Variants in TMX1 observed in about 807,000 individuals in gnomAD.
TMX1 encodes the protein thioredoxin related transmembrane protein 1, also known as thioredoxin-related transmembrane protein 1.
A neutral mutation model predicts 36.6 loss-of-function variants in TMX1; 25 were observed. That is an observed-to-expected ratio of 0.68 (90% confidence interval 0.50 to 0.95). The LOEUF (loss-of-function observed/expected upper bound fraction) is 0.95. Ranked by LOEUF, TMX1 falls within the 40% of genes least tolerant of loss-of-function variation. TMX1 has a pLI of 0.00. For missense variants in TMX1, 347 were observed against 339.6 expected, an observed-to-expected ratio of 1.02 and a Z score of -0.17; for synonymous variants, 133 against 118.0, an observed-to-expected ratio of 1.13 and a Z score of -0.82.
At chr14:51,249,438 T>G in intron 5 of TMX1, 30 bp from the exon 6 acceptor site, 3 of 1,550,016 alleles carry the variant, frequency 1.9e-6, no homozygotes, top group Non-Finnish European at 2.6e-6. Context: ...ATGAACAGAT[T>G]TTTAGTTTTT....
intron 3 of TMX1, 145 bp from the exon 4 acceptor site, chr14:51,246,946 TA>T: frequency 1.7e-6 from 1 of 592,822 alleles, no homozygotes; most frequent in Non-Finnish European, 2.6e-6. Flanking sequence ...CATGAGTAGG[TA>T]AATAGTATAA....
intron 3 of TMX1, among the ~76,000 whole-genome samples, chr14:51,246,589 A>C (rs1213202223): frequency 6.6e-6 from 1 of 152,202 alleles, no homozygotes; most frequent in Non-Finnish European, 1.5e-5. Flanking sequence ...CTCACTAAAT[A>C]GTCACTGAAA....
chr14:51,245,461 T>C, intron 3 of TMX1, 103 bp downstream of exon 3: 2 of 1,559,210 alleles, frequency 1.3e-6, no homozygotes, highest in Non-Finnish European at 1.7e-6. Flanking sequence ...TGAGGTAATC[T>C]CATTATATTC....
intron 7 of TMX1, among the ~76,000 whole-genome samples, chr14:51,253,094 G>C (rs540967484): frequency 6.6e-6 from 1 of 152,140 alleles, no homozygotes; most frequent in African/African-American, 2.4e-5. Context: ...AGAAATTCTG[G>C]TGCACTCTGC....
chr14:51,247,396 G>A (rs563052389), intron 4 of TMX1, among the ~76,000 whole-genome samples, 176 bp downstream of exon 4: 58 of 123,416 alleles, frequency 4.7e-4, no homozygotes, highest in Non-Finnish European at 6.2e-4. Context: ...TTGCTCTGTC[G>A]CCCAGGCTGG....
chr14:51,250,653 G>A (rs1483705791), intron 7 of TMX1, among the ~76,000 whole-genome samples: 3 of 152,046 alleles, frequency 2.0e-5, no homozygotes, highest in African/African-American at 4.8e-5. Context: ...CACCACGCCC[G>A]GCTAATTTTT....
In TMX1 at chr14:51,254,425, A is replaced by T. The variant is rs1431323101; in HGVS notation, c.749A>T (p.Glu250Val). The T allele has an allele frequency of 9.9e-6, 16 of 1,612,156 alleles. No homozygotes were observed. Among genetic ancestry groups the T allele is most frequent in the African/African-American group, 1.3e-5 (1 of 74,906 alleles). Residue 250 changes from glutamate (E) to valine (V), a missense_variant, in exon 8 of 8, where the codon GAA becomes GTA. Transcript: ENST00000457354. ...EADEEDVSEEEAESKEGTNKD... is the reference protein window; with the variant it reads ...EADEEDVSEEVAESKEGTNKD... ...GATGAAGAAGATGTTTCAGAAGAAG[A>T]AGCTGAAAGTAAAGAAGGAACAAAC...
intron 4 of TMX1, among the ~76,000 whole-genome samples, chr14:51,247,670 T>A (rs542398423): frequency 6.6e-6 from 1 of 152,336 alleles, no homozygotes; most frequent in Non-Finnish European, 1.5e-5. Context: ...ATGTTTGATC[T>A]TTTTAGTTTG....
At chr14:51,240,481 T>TGGAC (rs764788082) in intron 1 of TMX1, 37 bp downstream of exon 1, 18 of 1,599,600 alleles carry the variant, frequency 1.1e-5, no homozygotes, top group Non-Finnish European at 1.5e-5. Flanking sequence ...CGTCCGTGCC[T>TGGAC]GGACACACGA....
intron 1 of TMX1, among the ~76,000 whole-genome samples, chr14:51,243,249 C>T (rs2065770118): frequency 6.6e-6 from 1 of 152,132 alleles, no homozygotes; most frequent in South Asian, 2.1e-4. Context: ...AACAGGATGA[C>T]CTAACTGGCC....
chr14:51,254,055 A>G (rs200789085), intron 7 of TMX1: 1 of 208,290 alleles, frequency 4.8e-6, no homozygotes, highest in African/African-American at 2.3e-5. Context: ...TTTTCTCACA[A>G]CTTCCATATT....
chr14:51,254,595 A>G lies in TMX1; in HGVS notation c.*76A>G, dbSNP rs1225921864. 4 of 1,363,854 alleles carry G rather than the reference A, an allele frequency of 2.9e-6. No individual in the cohort carries two copies. The highest frequency in any genetic ancestry group is 4.0e-6 in the Non-Finnish European group (4 of 1,000,860). The allele number at this position is 1,363,854 out of a possible 1,614,324, so 84.5% of individuals were successfully genotyped here. ...TGATCATTTTGTTTGGTTTGAAGTG[A>G]ACTGTGACTTTTTTGAATATTGCAG... On this transcript the variant is annotated 3_prime_UTR_variant, in exon 8 of 8. Coordinates refer to ENST00000457354, the MANE Select transcript of TMX1 (RefSeq NM_030755.5).
chr14:51,251,872 T>A lies in TMX1; in HGVS notation c.664+2107T>A, dbSNP rs1282126774. Among the ~76,000 whole-genome samples the A allele has an allele frequency of 2.0e-5, 3 of 152,184 alleles. No individual in the cohort carries two copies. In the East Asian group the frequency reaches 5.8e-4, roughly 29 times the overall value. On this transcript the variant is annotated intron_variant, in intron 7 of 7. Coordinates refer to ENST00000457354, the MANE Select transcript of TMX1 (RefSeq NM_030755.5). ...TGTTGCTGGTCTGAGGACCACTATT[T>A]GAGAACCCCTGTCTTAGAGAAAGTG...
chr14:51,251,323 T>A lies in TMX1; in HGVS notation c.664+1558T>A, dbSNP rs531104173. On this transcript the variant is annotated intron_variant, in intron 7 of 7. Coordinates refer to ENST00000457354, the MANE Select transcript of TMX1 (RefSeq NM_030755.5). ...GCAGATTAGGTTAGGTTAGGTGTAT[T>A]AATGTATTTCAACTTATGTAAGGAT... is the stretch of plus-strand genomic sequence containing the variant. Among the ~76,000 whole-genome samples the A allele has an allele frequency of 1.6e-3, 247 of 152,326 alleles. 2 individuals are homozygous for A. The highest frequency in any genetic ancestry group is 5.7e-3 in the African/African-American group (236 of 41,578).
At position 51,240,410 on chromosome 14, in the gene TMX1, A is replaced by G. The variant is rs2065754613; in HGVS notation, c.118A>G (p.Arg40Gly). Residue 40 changes from arginine to glycine, a missense_variant, in exon 1 of 8, where the codon AGA becomes GGA. Coordinates refer to ENST00000457354, the MANE Select transcript of TMX1 (RefSeq NM_030755.5). Reference sequence around the variant, plus strand: ...TCGCGTCATCACGGACGAGAACTGGAGAGAACTGCTGGAAGGAGACTGGAT... The same window carrying G: ...TCGCGTCATCACGGACGAGAACTGGGGAGAACTGCTGGAAGGAGACTGGAT... ...NVRVITDENWRELLEGDWMIE... is the reference protein window; with the variant it reads ...NVRVITDENWGELLEGDWMIE... 1 of 1,613,874 alleles carries G rather than the reference A, an allele frequency of 6.2e-7. No homozygotes were observed. The highest frequency in any genetic ancestry group is 1.3e-5 in the African/African-American group (1 of 74,920).
Position 51,240,259 on chromosome 14 carries a change from G to C in TMX1, c.-34G>C. On this transcript the variant is annotated 5_prime_UTR_variant, in exon 1 of 8. Transcript: ENST00000457354. ...CCGCGAGGGCGGAAGTGGGAGCTGC[G>C]ACCGCGCTCCCTGTGAGGTGGGCAA... The C allele has an allele frequency of 1.9e-6, 3 of 1,601,060 alleles. No homozygotes were observed. Among genetic ancestry groups the C allele is most frequent in the Non-Finnish European group, 2.5e-6 (3 of 1,177,392 alleles).
intron 7 of TMX1, 126 bp from the exon 8 acceptor site, chr14:51,254,215 G>T: frequency 6.1e-6 from 4 of 655,450 alleles, no homozygotes; most frequent in South Asian, 4.4e-5. Context: ...CTTTCCTTTT[G>T]GACATCCAAA....
At chr14:51,241,383 C>T (rs924082376) in intron 1 of TMX1, among the ~76,000 whole-genome samples, 2 of 152,186 alleles carry the variant, frequency 1.3e-5, no homozygotes, top group Non-Finnish European at 2.9e-5. Context: ...CTGGACACCA[C>T]TAAGCACCTT....
chr14:51,252,829 C>G (rs2065820631), intron 7 of TMX1, among the ~76,000 whole-genome samples: 1 of 152,206 alleles, frequency 6.6e-6, no homozygotes. Flanking sequence ...TTGACTGGAT[C>G]CTTAAGGCTC....
Sources: gnomAD v4.1 joint callset for allele counts (sites outside exome capture counted in the v4.1 genomes callset) on GRCh38, gnomAD v4.1.1 for gene constraint, MANE v1.5 for transcripts, NCBI Gene and HGNC (gene_info 2026-07-23, HGNC 2026-07-21) for gene names.